Variants in PKNOX2 observed in about 807,000 individuals in gnomAD.
PKNOX2 encodes homeobox protein PKNOX2.
A neutral mutation model predicts 53.1 loss-of-function variants in PKNOX2; 14 were observed. The observed-to-expected ratio is 0.26, with a 90% CI of 0.17 to 0.41. The LOEUF (loss-of-function observed/expected upper bound fraction) is 0.41. PKNOX2 is among the 10% of genes least tolerant of loss of function. PKNOX2 has a pLI of 1.00. For synonymous variants in PKNOX2, 257 were observed against 242.8 expected, an observed-to-expected ratio of 1.06 and a Z score of -0.54; for missense variants, 496 against 602.8, an observed-to-expected ratio of 0.82 and a Z score of 1.85.
intron 2 of PKNOX2, among the ~76,000 whole-genome samples, chr11:125,290,465 A>G (rs1947237896): frequency 6.6e-6 from 1 of 152,214 alleles, no homozygotes; most frequent in South Asian, 2.1e-4. Context: ...GATAAGACAC[A>G]GTAGTGACTA....
At chr11:125,376,459 A>G (rs1431435484) in intron 5 of PKNOX2, among the ~76,000 whole-genome samples, 2 of 150,416 alleles carry the variant, frequency 1.3e-5, no homozygotes, top group Non-Finnish European at 3.0e-5. Context: ...CTTCCTCCCT[A>G]CTCCCTCCCC....
intron 10 of PKNOX2, among the ~76,000 whole-genome samples, chr11:125,425,244 C>T (rs1956351191): frequency 6.6e-6 from 1 of 152,176 alleles, no homozygotes; most frequent in Admixed American, 6.5e-5. Context: ...GTCAAGGTCA[C>T]ACAATGTTAA....
At chr11:125,201,596 C>T (rs149121745) in intron 1 of PKNOX2, among the ~76,000 whole-genome samples, 7 of 152,124 alleles carry the variant, frequency 4.6e-5, no homozygotes, top group African/African-American at 1.7e-4. Context: ...GCCACCTGTG[C>T]GGCTGCCAAG....
At chr11:125,268,733 T>G (rs1945547450) in intron 2 of PKNOX2, among the ~76,000 whole-genome samples, 1 of 150,918 alleles carries the variant, frequency 6.6e-6, no homozygotes, top group African/African-American at 2.4e-5. Flanking sequence ...AAGACATCAG[T>G]TCAGTGGTGG....
chr11:125,190,889 T>C (rs572164830), intron 1 of PKNOX2: 1 of 152,378 alleles, frequency 6.6e-6, no homozygotes, highest in South Asian at 2.1e-4. Context: ...TCTAATCATG[T>C]ACTGCCTCAT....
intron 2 of PKNOX2, among the ~76,000 whole-genome samples, chr11:125,329,337 A>C (rs545478012): frequency 3.9e-5 from 6 of 152,112 alleles, no homozygotes; most frequent in Non-Finnish European, 8.8e-5. Flanking sequence ...CTAACTTAAC[A>C]TTTTTCCTCT....
intron 2 of PKNOX2, among the ~76,000 whole-genome samples, chr11:125,289,514 A>G (rs1175339158): frequency 6.6e-6 from 1 of 152,174 alleles, no homozygotes; most frequent in Non-Finnish European, 1.5e-5. Context: ...TTTATATATC[A>G]GGTCATTTTC....
At chr11:125,358,856 C>A (rs562888431) in intron 4 of PKNOX2, among the ~76,000 whole-genome samples, 5 of 152,200 alleles carry the variant, frequency 3.3e-5, no homozygotes, top group African/African-American at 1.2e-4. Flanking sequence ...GAGTACACTG[C>A]GGGCAGGCAT....
At chr11:125,282,602 C>G (rs1003429445) in intron 2 of PKNOX2, among the ~76,000 whole-genome samples, 1 of 152,248 alleles carries the variant, frequency 6.6e-6, no homozygotes, top group Non-Finnish European at 1.5e-5. Context: ...TTGAAAAGCA[C>G]TGGTCTCTGT....
rs368917674 is a variant in PKNOX2 at position 125,175,207 on chromosome 11, AGAAGGAAG to A, written c.-201+10467_-201+10474del. Among the ~76,000 whole-genome samples, 925 of 139,078 alleles carry A rather than the reference AGAAGGAAG, an allele frequency of 6.7e-3. 4 individuals are homozygous for A. The highest frequency in any genetic ancestry group is 0.019 in the African/African-American group (691 of 36,346). The allele number at this position is 139,078 out of a possible 152,430, so 91.2% of individuals were successfully genotyped here. A position where few individuals can be genotyped will look rare whatever the true frequency, so the allele number is the denominator to read the frequency against. On this transcript the variant is annotated intron_variant, in intron 1 of 12. Coordinates refer to ENST00000298282, the MANE Select transcript of PKNOX2 (RefSeq NM_001382323.2). ...AAAGTCATTTCCACTGGGTTTGAGG[AGAAGGAAG>A]GAAGGAAGGAAGGAAGGAAGGAAGG...
intron 2 of PKNOX2, among the ~76,000 whole-genome samples, chr11:125,299,471 G>A (rs768790517): frequency 1.7e-4 from 26 of 152,098 alleles, no homozygotes; most frequent in Admixed American, 6.5e-5. Flanking sequence ...AGCTGACTGA[G>A]GCCAGGGAAG....
rs536810080 is a variant in PKNOX2 at position 125,219,210 on chromosome 11, G to A, written c.-200-15835G>A. ...GCACTTAGGGAGGCCAAGGCAAGCA[G>A]ATCATCTGAGGTTAGGAGTTCCAGA... On this transcript the variant is annotated intron_variant, in intron 1 of 12. Transcript: ENST00000298282. 3.3e-5 allele frequency among the ~76,000 whole-genome samples: 5 copies of A among 152,182 alleles called. No homozygotes were observed. The South Asian group carries it at 1.0e-3, about 32-fold the overall frequency.
chr11:125,330,935 C>T (rs980121996), intron 2 of PKNOX2, among the ~76,000 whole-genome samples: 7 of 152,318 alleles, frequency 4.6e-5, no homozygotes, highest in African/African-American at 1.7e-4. Context: ...TTACCTCTGG[C>T]GTAGGGCAGG....
chr11:125,232,740 G>A (rs776491050), intron 1 of PKNOX2, among the ~76,000 whole-genome samples: 4 of 152,214 alleles, frequency 2.6e-5, no homozygotes, highest in Middle Eastern at 3.4e-3. Context: ...GGCTATTACT[G>A]CAGCCTATGA....
chr11:125,396,580 T>A (rs868281736), intron 6 of PKNOX2, among the ~76,000 whole-genome samples: 3,077 of 138,212 alleles, frequency 0.022, 76 homozygotes, highest in Admixed American at 0.075. Flanking sequence ...CAGAAACTTT[T>A]AAAAAAAAAA....
At position 125,283,166 on chromosome 11, in the gene PKNOX2, TAATAAAATAA is replaced by T. The variant is rs140414026; in HGVS notation, c.-130+48073_-130+48082del. Reference sequence around the variant, plus strand: ...GACTCCATCTCAAAAAATATATAAATAATAAAATAAAATAAAATAAAATAAAATAAATTCC... The same window carrying T: ...GACTCCATCTCAAAAAATATATAAATAATAAAATAAAATAAAATAAATTCC... On this transcript the variant is annotated intron_variant, in intron 2 of 12. Coordinates refer to ENST00000298282, the MANE Select transcript of PKNOX2 (RefSeq NM_001382323.2). Among the ~76,000 whole-genome samples the T allele has an allele frequency of 9.5e-4, 144 of 151,106 alleles. 2 individuals carry two copies. Among genetic ancestry groups the T allele is most frequent in the African/African-American group, 1.7e-3 (68 of 40,994 alleles).
intron 4 of PKNOX2, among the ~76,000 whole-genome samples, chr11:125,359,318 G>A (rs1296645422): frequency 1.3e-5 from 2 of 152,068 alleles, no homozygotes; most frequent in Non-Finnish European, 2.9e-5. Flanking sequence ...CTGCCCCAGG[G>A]GCAACACCCC....
rs544521534 is a variant in PKNOX2 at position 125,260,840 on chromosome 11, T to G, written c.-130+25725T>G. Among the ~76,000 whole-genome samples the G allele has an allele frequency of 1.2e-3, 186 of 152,264 alleles. 1 individual carries two copies. Among genetic ancestry groups the G allele is most frequent in the Non-Finnish European group, 1.8e-3 (125 of 68,010 alleles). On this transcript the variant is annotated intron_variant, in intron 2 of 12. Coordinates refer to ENST00000298282, the MANE Select transcript of PKNOX2 (RefSeq NM_001382323.2). ...TGTTTACTGAACAAACACCACATGCTAGATTCTGTGAGAAACAGGAGAAAC... is the reference window on the plus strand; with the variant it reads ...TGTTTACTGAACAAACACCACATGCGAGATTCTGTGAGAAACAGGAGAAAC...
At chr11:125,394,710 AG>A (rs1476023581) in intron 6 of PKNOX2, among the ~76,000 whole-genome samples, 1 of 152,214 alleles carries the variant, frequency 6.6e-6, no homozygotes, top group African/African-American at 2.4e-5. Flanking sequence ...GCTAGCCAAA[AG>A]CTAGGAGGGT....
Sources: gnomAD v4.1 joint callset for allele counts (sites outside exome capture counted in the v4.1 genomes callset) on GRCh38, gnomAD v4.1.1 for gene constraint, MANE v1.5 for transcripts, NCBI Gene and HGNC (gene_info 2026-07-23, HGNC 2026-07-21) for gene names.